USP24: variants seen among roughly 807,000 people sequenced by gnomAD.
The protein encoded by USP24 is ubiquitin specific peptidase 24, also known as ubiquitin carboxyl-terminal hydrolase 24.
In USP24, 97 loss-of-function variants were observed where a neutral mutation model predicts 361.6. The ratio of observed to expected loss-of-function variants is 0.27; its 90% CI spans 0.23 to 0.32. USP24 has a LOEUF of 0.32. USP24 is among the 10% of genes least tolerant of loss of function. The pLI is 1.00. For synonymous variants in USP24, 1,098 were observed against 1,124.6 expected (o/e 0.98, Z 0.47); for missense variants, 2,353 against 3,165.6 (o/e 0.74, Z 6.16).
chr1:55,081,083 T>TA (rs1326265421), intron 59 of USP24, among the ~76,000 whole-genome samples: 1 of 151,930 alleles, frequency 6.6e-6, no homozygotes, highest in East Asian at 1.9e-4. Flanking sequence ...AGAGTTGTTT[T>TA]AAAAAAAATA....
At chr1:55,181,624 G>A (rs1249286812) in intron 1 of USP24, among the ~76,000 whole-genome samples, 2 of 152,118 alleles carry the variant, frequency 1.3e-5, no homozygotes, top group Admixed American at 1.3e-4. Flanking sequence ...GTGGGTATAC[G>A]TCATTACTAT....
intron 52 of USP24, 88 bp from the exon 53 acceptor site, chr1:55,093,004 G>A: frequency 3.7e-6 from 3 of 805,452 alleles, no homozygotes; most frequent in South Asian, 2.4e-5. Context: ...AAAAATATAG[G>A]TAAAAAGCAC....
At chr1:55,214,653 C>T in intron 1 of USP24, 137 bp downstream of exon 1, 1 of 776,204 alleles carries the variant, frequency 1.3e-6, no homozygotes, top group Non-Finnish European at 1.7e-6. Context: ...GGGCTTCTCT[C>T]TCTCTCTCCG....
At chr1:55,153,380 C>T (rs1647301484) in intron 16 of USP24, among the ~76,000 whole-genome samples, 1 of 152,200 alleles carries the variant, frequency 6.6e-6, no homozygotes, top group South Asian at 2.1e-4. Flanking sequence ...AACAGATACT[C>T]ACTGAATGAC....
intron 3 of USP24, 62 bp downstream of exon 3, chr1:55,176,314 C>T: frequency 7.2e-7 from 1 of 1,395,104 alleles, no homozygotes; most frequent in East Asian, 2.6e-5. Context: ...AAAAGCTTCT[C>T]TTCCTTCACC....
At chr1:55,100,410 C>T (rs1228818706) in intron 44 of USP24, among the ~76,000 whole-genome samples, 3 of 151,718 alleles carry the variant, frequency 2.0e-5, no homozygotes, top group Admixed American at 6.6e-5. Flanking sequence ...GCAGGATAAT[C>T]GCTTGAACCC....
chr1:55,086,188 T>C (rs745831287), intron 55 of USP24, 150 bp from the exon 56 acceptor site: 11 of 668,774 alleles, frequency 1.6e-5, no homozygotes, highest in Admixed American at 2.6e-5. Context: ...CTTTCCAAGG[T>C]CACTTCACTT....
rs779194410 is a variant in USP24, at chr1:55,125,459, C to T, written c.3821G>A (p.Arg1274Gln). 10 of 1,613,820 alleles carry T rather than the reference C, an allele frequency of 6.2e-6. No homozygotes were observed. Among genetic ancestry groups the T allele is most frequent in the South Asian group, 2.2e-5 (2 of 91,080 alleles). The stretch of plus-strand genomic sequence containing the variant: ...TCTGCTTGTCTGCCGGCTGACATTT[C>T]GGAATGGGCGGGAAGAAAGTGCTTC... The part of the protein sequence containing the change: ...GIEALSSRPF[R>Q]NVSRQTSRQM... Residue 1274 changes from arginine (R) to glutamine (Q), a missense_variant, in exon 34 of 68, where the codon CGA becomes CAA. Arg to Gln is a conservative substitution (Grantham distance 43). This residue lies in a region of USP24 where 949 missense variants were observed against 1,280.5 expected (regional missense o/e 0.74). Transcript: ENST00000294383.
At position 55,105,869 on chromosome 1, in the gene USP24, G is replaced by A. The variant is rs1041955490; in HGVS notation, c.4880+277C>T. On this transcript the variant is annotated intron_variant, in intron 41 of 67. Coordinates refer to ENST00000294383, the MANE Select transcript of USP24 (RefSeq NM_015306.3). The stretch of plus-strand genomic sequence containing the variant: ...TTTCGACATAATTTTTATAACCTTC[G>A]TTTCTCTTGGCATTTGTTACTGACC... Among the ~76,000 whole-genome samples, 93 of 151,202 alleles carry A rather than the reference G, an allele frequency of 6.2e-4. 1 individual carries two copies. The highest frequency in any genetic ancestry group is 2.1e-4 in the Non-Finnish European group (14 of 67,930).
intron 62 of USP24, 72 bp from the exon 63 acceptor site, chr1:55,075,595 A>G (rs1429258015): frequency 9.9e-7 from 1 of 1,006,464 alleles, no homozygotes; most frequent in East Asian, 2.6e-5. Context: ...CTTTCTTTAT[A>G]ATTCTACCCA....
rs192654331 is a variant in USP24 at position 55,210,308 on chromosome 1, C to T, written c.324+4482G>A. On this transcript the variant is annotated intron_variant, in intron 1 of 67. Transcript: ENST00000294383. ...GCCATGCTGATTCATCTTTAATTCC[C>T]TATTTTTATTTCATCTACTTTCAAC... 9.4e-3 allele frequency among the ~76,000 whole-genome samples: 1,435 copies of T among 152,284 alleles called. 39 individuals are homozygous for T. Among genetic ancestry groups the T allele is most frequent in the Admixed American group, 0.059 (896 of 15,286 alleles).
chr1:55,146,176 G>A, intron 19 of USP24, 67 bp from the exon 20 acceptor site: 1 of 1,144,036 alleles, frequency 8.7e-7, no homozygotes, highest in Non-Finnish European at 1.3e-6. Flanking sequence ...ATTCCAAACT[G>A]GAAAAGTAAA....
intron 20 of USP24, among the ~76,000 whole-genome samples, chr1:55,144,497 T>G (rs966523285): frequency 2.1e-4 from 32 of 152,126 alleles, no homozygotes; most frequent in African/African-American, 7.5e-4. Context: ...TAAAGAACCC[T>G]TGCAACTCAA....
rs754739030 is a variant in USP24 at position 55,156,937 on chromosome 1, G to C, written c.1446+11C>G. The C allele has an allele frequency of 1.3e-6, 2 of 1,599,152 alleles. No individual in the cohort carries two copies. Among genetic ancestry groups the C allele is most frequent in the Non-Finnish European group, 1.7e-6 (2 of 1,167,562 alleles). On this transcript the variant is annotated intron_variant, in intron 12 of 67. Transcript: ENST00000294383. Reference sequence around the variant, plus strand: ...ATTAGCCAAAGGCAAAAATAATTCTGATCAACCTACCTGTATCTTCCAAAT... The same window carrying C: ...ATTAGCCAAAGGCAAAAATAATTCTCATCAACCTACCTGTATCTTCCAAAT...
rs1332861560 is a variant in USP24 at position 55,215,119 on chromosome 1, G to C, written c.-6C>G. On this transcript the variant is annotated 5_prime_UTR_variant, in exon 1 of 68. Transcript: ENST00000294383. Reference sequence around the variant, plus strand: ...TGCTCCTCCTCCGATTCCATGGCTTGGGCCTCCTGGCCGCCCCGGCCAGCG... The same window carrying C: ...TGCTCCTCCTCCGATTCCATGGCTTCGGCCTCCTGGCCGCCCCGGCCAGCG... The C allele has an allele frequency of 7.9e-7, 1 of 1,264,774 alleles. No homozygotes were observed. Among genetic ancestry groups the C allele is most frequent in the African/African-American group, 1.5e-5 (1 of 65,350 alleles). 78.3% of individuals were successfully genotyped at this position (1,264,774 alleles called of 1,614,324 possible). A position where few individuals can be genotyped will look rare whatever the true frequency, so the allele number is the denominator to read the frequency against.
chr1:55,214,075 A>C (rs1644918252), intron 1 of USP24, among the ~76,000 whole-genome samples: 1 of 149,836 alleles, frequency 6.7e-6, no homozygotes. Context: ...CTCAGCTCCC[A>C]CCCCTGCCCA....
chr1:55,094,184 T>C, intron 51 of USP24, 97 bp from the exon 52 acceptor site: 1 of 1,214,332 alleles, frequency 8.2e-7, no homozygotes, highest in Non-Finnish European at 1.1e-6. Flanking sequence ...GGTATTAGAC[T>C]ATTTGATTAT....
chr1:55,149,943 G>A (rs1647147672), intron 16 of USP24, among the ~76,000 whole-genome samples: 1 of 152,136 alleles, frequency 6.6e-6, no homozygotes, highest in African/African-American at 2.4e-5. Flanking sequence ...ACAGTCAGTG[G>A]TCTCACACTA....
intron 32 of USP24, among the ~76,000 whole-genome samples, chr1:55,128,076 T>C (rs578262778): frequency 1.3e-5 from 2 of 152,312 alleles, no homozygotes; most frequent in South Asian, 4.1e-4. Context: ...AACAAACTTA[T>C]TTCTCTTGCT....
Sources: gnomAD v4.1 joint callset for allele counts (sites outside exome capture counted in the v4.1 genomes callset) on GRCh38, gnomAD v4.1.1 for gene constraint, gnomAD v4.1.1 regional missense constraint, MANE v1.5 for transcripts, NCBI Gene and HGNC (gene_info 2026-07-23, HGNC 2026-07-21) for gene names.